Variants in ABCC8 observed in about 807,000 individuals in gnomAD.
ABCC8 encodes ATP-binding cassette sub-family C member 8.
A neutral mutation model predicts 188.0 loss-of-function variants in ABCC8; 137 were observed. That is an observed-to-expected ratio of 0.73 (90% CI 0.63 to 0.84). The LOEUF (loss-of-function observed/expected upper bound fraction) is 0.84, where lower values mean the gene tolerates loss of function less well. ABCC8 is among the 40% of genes least tolerant of loss of function. The pLI, the probability that ABCC8 is intolerant of heterozygous loss-of-function variation, is 0.00. For missense variants in ABCC8, 1,750 were observed against 2,072.7 expected (o/e 0.84, Z 3.02); for synonymous variants, 797 against 846.5 (o/e 0.94, Z 1.01).
chr11:17,470,846 T>G (rs1848440296), intron 2 of ABCC8, among the ~76,000 whole-genome samples: 1 of 152,114 alleles, frequency 6.6e-6, no homozygotes, highest in Admixed American at 6.5e-5. Context: ...TCTAAGTGGG[T>G]GGACTGTGGC....
chr11:17,399,918 G>C (rs765241547), intron 29 of ABCC8, among the ~76,000 whole-genome samples: 10 of 152,182 alleles, frequency 6.6e-5, no homozygotes, highest in Non-Finnish European at 1.2e-4. Context: ...TGATCAACCT[G>C]GGCTGCCGTC....
intron 10 of ABCC8, among the ~76,000 whole-genome samples, chr11:17,435,270 C>T (rs1956036458): frequency 6.6e-6 from 1 of 152,138 alleles, no homozygotes; most frequent in African/African-American, 2.4e-5. Flanking sequence ...CAGCAACCCA[C>T]AGGCAGTGGC....
At chr11:17,436,682 A>T (rs958804119) in intron 10 of ABCC8, among the ~76,000 whole-genome samples, 2 of 152,262 alleles carry the variant, frequency 1.3e-5, no homozygotes, top group African/African-American at 4.8e-5. Context: ...GGAAAAGTTT[A>T]GTTGCGTGTA....
In ABCC8 at chr11:17,414,586, A is replaced by C. The variant is rs759574974; in HGVS notation, c.2316T>G (p.Ala772=). 5.0e-6 allele frequency: 8 copies of C among 1,614,252 alleles called. No individual in the cohort carries two copies. Among genetic ancestry groups the C allele is most frequent in the Non-Finnish European group, 6.8e-6 (8 of 1,180,050 alleles). The change falls in exon 19 of 39, where the codon GCT becomes GCG. Residue 772 remains alanine, a synonymous_variant. Transcript: ENST00000389817. ...CATTTAGCAGCCATGGTTTCTGCGA[A>C]GCATAGGCCACGGGGCCTCTCTTCC... ...DIRKRGPVAY[A]SQKPWLLNAT...
rs1953799424 is a variant in ABCC8 at position 17,394,434 on chromosome 11, G to A, written c.4412-35C>T. The A allele has an allele frequency of 1.2e-6, 2 of 1,614,050 alleles. 1 individual carries two copies. The highest frequency in any genetic ancestry group is 1.7e-6 in the Non-Finnish European group (2 of 1,180,038). On this transcript the variant is annotated intron_variant, in intron 36 of 38. Transcript: ENST00000389817. ...GCCCGGGGAGATGAAGTAGGACTGA[G>A]TTAATCTTGTGCTGTGAGTGGAGCA...
rs747871837 is a variant in ABCC8 at position 17,397,052 on chromosome 11, G to T, written c.3989-6C>A. 1 of 1,614,140 alleles carries T rather than the reference G, an allele frequency of 6.2e-7. No individual in the cohort carries two copies. The highest frequency in any genetic ancestry group is 1.7e-5 in the Admixed American group (1 of 60,026). On this transcript the variant is annotated splice_polypyrimidine_tract_variant and splice_region_variant and intron_variant, in intron 32 of 38. Coordinates refer to ENST00000389817, the MANE Select transcript of ABCC8 (RefSeq NM_000352.6). ...CTTTGGGATCAGCGATGGTGCTGGGGGCCGGGCTGGGCTCAGCCACCAGGC... is the reference window on the plus strand; with the variant it reads ...CTTTGGGATCAGCGATGGTGCTGGGTGCCGGGCTGGGCTCAGCCACCAGGC...
chr11:17,436,808 G>A (rs1459514803), intron 10 of ABCC8, among the ~76,000 whole-genome samples: 1 of 152,078 alleles, frequency 6.6e-6, no homozygotes, highest in African/African-American at 2.4e-5. Context: ...TCCATTCAAG[G>A]CTGGGCACAG....
chr11:17,417,142 A>G lies in ABCC8; in HGVS notation c.2223-180T>C. 4 of 866,582 alleles carry G rather than the reference A, an allele frequency of 4.6e-6. No individual in the cohort carries two copies. The South Asian group carries it at 1.6e-4, about 35-fold the overall frequency. 53.7% of individuals were successfully genotyped at this position (866,582 alleles called of 1,614,324 possible). On this transcript the variant is annotated intron_variant, in intron 16 of 38. Transcript: ENST00000389817. ...TCTTCTCAATCTCTGTCCCTCCCAC[A>G]GCACCTGGATGGGTACCCTCCAAAT...
intron 10 of ABCC8, among the ~76,000 whole-genome samples, chr11:17,432,962 C>T (rs923046738): frequency 2.0e-5 from 3 of 152,148 alleles, no homozygotes; most frequent in African/African-American, 7.2e-5. Flanking sequence ...CCTCAGTTTC[C>T]TCATATGATT....
At chr11:17,432,957 G>T (rs1436679742) in intron 10 of ABCC8, among the ~76,000 whole-genome samples, 1 of 152,164 alleles carries the variant, frequency 6.6e-6, no homozygotes, top group African/African-American at 2.4e-5. Flanking sequence ...CCGTGCCTCA[G>T]TTTCCTCATA....
intron 6 of ABCC8, among the ~76,000 whole-genome samples, chr11:17,459,790 G>A (rs754652794): frequency 1.8e-4 from 27 of 152,186 alleles, no homozygotes; most frequent in Non-Finnish European, 2.4e-4. Flanking sequence ...CCCACGCAGG[G>A]CAAATAACCC....
At chr11:17,400,471 C>G (rs1264151389) in intron 29 of ABCC8, among the ~76,000 whole-genome samples, 1 of 152,156 alleles carries the variant, frequency 6.6e-6, no homozygotes, top group Non-Finnish European at 1.5e-5. Context: ...AGAGCCCCAG[C>G]CTCGGAGCCA....
At chr11:17,428,736 G>A in intron 12 of ABCC8, 66 bp from the exon 13 acceptor site, 2 of 1,596,742 alleles carry the variant, frequency 1.3e-6, no homozygotes, top group East Asian at 2.2e-5. Context: ...AGAGGGCGCA[G>A]CCTGATAGAG....
chr11:17,469,195 G>C (rs1034324039), intron 3 of ABCC8, among the ~76,000 whole-genome samples: 1 of 151,934 alleles, frequency 6.6e-6, no homozygotes, highest in African/African-American at 2.4e-5. Context: ...GGGTTCAAGA[G>C]ATTTGACTGC....
chr11:17,461,693 T>C lies in ABCC8; in HGVS notation c.712A>G (p.Lys238Glu). 1 of 1,614,230 alleles carries C rather than the reference T, an allele frequency of 6.2e-7. No homozygotes were observed. The highest frequency in any genetic ancestry group is 8.5e-7 in the Non-Finnish European group (1 of 1,180,048). The change falls in exon 5 of 39, where the codon AAG (lysine) becomes GAG (glutamate). Residue 238 changes from lysine (K) to glutamate (E), a missense_variant. Coordinates refer to ENST00000389817, the MANE Select transcript of ABCC8 (RefSeq NM_000352.6). ...GTYWWMNAFI[K>E]TAHKKPIDLR... ...TCGATGGGCTTCTTGTGGGCAGTCTTGATGAAGGCGTTCATCCACCAGTAG... is the reference window on the plus strand; with the variant it reads ...TCGATGGGCTTCTTGTGGGCAGTCTCGATGAAGGCGTTCATCCACCAGTAG...
At chr11:17,428,160 C>T (rs780755339) in intron 14 of ABCC8, 129 bp downstream of exon 14, 32 of 1,559,952 alleles carry the variant, frequency 2.1e-5, no homozygotes, top group African/African-American at 2.7e-5. Context: ...TTCTGGACTC[C>T]TATGGACCGT....
chr11:17,396,632 G>T, intron 33 of ABCC8: 1 of 475,630 alleles, frequency 2.1e-6, no homozygotes, highest in Non-Finnish European at 3.8e-6. Flanking sequence ...TTCGCAGAGA[G>T]GGAGGCCCTG....
At chr11:17,443,494 G>A in intron 8 of ABCC8, 182 bp from the exon 9 acceptor site, 1 of 948,414 alleles carries the variant, frequency 1.1e-6, no homozygotes, top group African/African-American at 1.6e-5. Flanking sequence ...TCAAAAGGAG[G>A]TTAGCATAAT....
chr11:17,410,293 G>A (rs4757515), intron 22 of ABCC8: 23 of 545,732 alleles, frequency 4.2e-5, no homozygotes, highest in African/African-American at 1.3e-4. Flanking sequence ...TGGGGGGCCC[G>A]GGCCAGGATG....
Sources: allele counts gnomAD v4.1 joint callset (sites outside exome capture counted in the v4.1 genomes callset), GRCh38; gene constraint gnomAD v4.1.1; transcripts MANE v1.5; gene names NCBI Gene and HGNC (gene_info 2026-07-23, HGNC 2026-07-21).